Variants in RALYL observed in about 807,000 individuals in gnomAD.
The protein encoded by RALYL is RNA-binding Raly-like protein.
Under a neutral mutation model 35.1 loss-of-function variants are expected in RALYL, and 29 were observed. The observed-to-expected ratio is 0.83, with a 90% CI of 0.61 to 1.13. RALYL has a LOEUF of 1.13. Ranked by LOEUF, RALYL falls within the 50% of genes most tolerant of loss-of-function variation. RALYL has a pLI of 0.00. For missense variants in RALYL, 359 were observed against 360.4 expected, an observed-to-expected ratio of 1.00 and a Z score of 0.03; for synonymous variants, 120 against 127.6, an observed-to-expected ratio of 0.94 and a Z score of 0.40.
At chr8:84,892,605 T>A (rs1483054173) in intron 8 of RALYL, among the ~76,000 whole-genome samples, 2 of 146,990 alleles carry the variant, frequency 1.4e-5, no homozygotes, top group Non-Finnish European at 3.0e-5. Context: ...GCAAAAACTC[T>A]GTCTTAAAAA....
intron 2 of RALYL, among the ~76,000 whole-genome samples, chr8:84,773,393 A>T (rs1436392609): frequency 1.3e-5 from 2 of 152,190 alleles, no homozygotes; most frequent in Non-Finnish European, 2.9e-5. Context: ...TTCTGTCAAA[A>T]TAATATCCCT....
chr8:84,567,655 G>A (rs1301958040), intron 2 of RALYL, among the ~76,000 whole-genome samples: 2 of 150,724 alleles, frequency 1.3e-5, no homozygotes, highest in Admixed American at 1.3e-4. Flanking sequence ...ATAGTGCTGT[G>A]ATAAATATAC....
At chr8:84,608,890 A>G (rs1455690174) in intron 2 of RALYL, among the ~76,000 whole-genome samples, 1 of 152,158 alleles carries the variant, frequency 6.6e-6, no homozygotes, top group African/African-American at 2.4e-5. Flanking sequence ...GATGCTGCAT[A>G]AGACCAAACC....
chr8:84,689,444 A>G (rs953044240), intron 2 of RALYL, among the ~76,000 whole-genome samples: 1 of 152,192 alleles, frequency 6.6e-6, no homozygotes, highest in Non-Finnish European at 1.5e-5. Context: ...TCCATGGGGT[A>G]TATGTGCCAC....
At chr8:84,774,323 T>G (rs931580363) in intron 2 of RALYL, among the ~76,000 whole-genome samples, 1 of 152,190 alleles carries the variant, frequency 6.6e-6, no homozygotes, top group Non-Finnish European at 1.5e-5. Context: ...TTTTAATTAT[T>G]ATGTTTGTTT....
At chr8:84,681,098 T>G (rs1835377293) in intron 2 of RALYL, among the ~76,000 whole-genome samples, 1 of 152,216 alleles carries the variant, frequency 6.6e-6, no homozygotes, top group Non-Finnish European at 1.5e-5. Flanking sequence ...GACCATTTAT[T>G]AAATAGGGAA....
chr8:84,251,835 T>C (rs1830247878), intron 1 of RALYL, among the ~76,000 whole-genome samples: 1 of 152,044 alleles, frequency 6.6e-6, no homozygotes, highest in Non-Finnish European at 1.5e-5. Flanking sequence ...TATGTGGAAT[T>C]TATTTTCATT....
At chr8:84,514,684 C>G (rs184622481) in intron 1 of RALYL, among the ~76,000 whole-genome samples, 1 of 152,268 alleles carries the variant, frequency 6.6e-6, no homozygotes, top group Non-Finnish European at 1.5e-5. Flanking sequence ...GTCTAAATTC[C>G]AACATACAAA....
intron 1 of RALYL, among the ~76,000 whole-genome samples, chr8:84,380,626 G>A (rs1158597653): frequency 1.3e-5 from 2 of 151,928 alleles, no homozygotes; most frequent in Non-Finnish European, 2.9e-5. Flanking sequence ...CCACATGTCT[G>A]TTCCTGTTTG....
intron 2 of RALYL, among the ~76,000 whole-genome samples, chr8:84,671,842 T>C (rs919702094): frequency 6.6e-6 from 1 of 152,214 alleles, no homozygotes; most frequent in Non-Finnish European, 1.5e-5. Flanking sequence ...TTTTCCCCAT[T>C]GTCTTGGCAG....
intron 2 of RALYL, among the ~76,000 whole-genome samples, chr8:84,550,197 GTCTCTC>G (rs138037136): frequency 6.7e-6 from 1 of 148,976 alleles, no homozygotes; most frequent in Non-Finnish European, 1.5e-5. Context: ...GTTAATCTGG[GTCTCTC>G]TCTCTCTCTC....
chr8:84,320,692 T>A (rs1844635309), intron 1 of RALYL, among the ~76,000 whole-genome samples: 2 of 152,122 alleles, frequency 1.3e-5, no homozygotes, highest in Admixed American at 6.6e-5. Flanking sequence ...ATAAATGACC[T>A]TCTTCCTATT....
intron 1 of RALYL, among the ~76,000 whole-genome samples, chr8:84,372,894 T>TGTTTTGTTTTG (rs1563809065): frequency 2.4e-5 from 3 of 125,096 alleles, no homozygotes; most frequent in African/African-American, 6.2e-5. Flanking sequence ...CTGTTTTTTT[T>TGTTTTGTTTTG]TTTTTTTTTT....
At chr8:84,570,341 T>A (rs897522069) in intron 2 of RALYL, among the ~76,000 whole-genome samples, 2 of 151,750 alleles carry the variant, frequency 1.3e-5, no homozygotes, top group Non-Finnish European at 2.9e-5. Flanking sequence ...TTTTTCTAAC[T>A]ATTGTAAATG....
At chr8:84,645,602 T>C (rs1827317733) in intron 2 of RALYL, among the ~76,000 whole-genome samples, 1 of 152,100 alleles carries the variant, frequency 6.6e-6, no homozygotes, top group African/African-American at 2.4e-5. Flanking sequence ...ATTAAGACTT[T>C]GTAGTCTCAG....
intron 2 of RALYL, among the ~76,000 whole-genome samples, chr8:84,694,706 AT>A (rs1330336472): frequency 9.2e-5 from 14 of 151,882 alleles, no homozygotes; most frequent in Admixed American, 2.0e-4. Context: ...TTTAAAATAT[AT>A]TACAAAGCTA....
At chr8:84,301,081 A>G (rs1434162343) in intron 1 of RALYL, among the ~76,000 whole-genome samples, 2 of 152,040 alleles carry the variant, frequency 1.3e-5, no homozygotes, top group African/African-American at 4.8e-5. Flanking sequence ...GTCTGGTGGT[A>G]ACAAATTTCC....
At chr8:84,800,839 G>T (rs562256586) in intron 3 of RALYL, among the ~76,000 whole-genome samples, 23 of 151,936 alleles carry the variant, frequency 1.5e-4, no homozygotes, top group Admixed American at 4.6e-4. Context: ...CTACTAAAAT[G>T]ATCTATTCAT....
chr8:84,205,530 A>G (rs1817858888), intron 1 of RALYL, among the ~76,000 whole-genome samples: 1 of 152,276 alleles, frequency 6.6e-6, no homozygotes, highest in African/African-American at 2.4e-5. Flanking sequence ...CACTGTAGCT[A>G]TTTTACTCGG....
Sources: allele counts gnomAD v4.1 joint callset (sites outside exome capture counted in the v4.1 genomes callset), GRCh38; gene constraint gnomAD v4.1.1; transcripts MANE v1.5; gene names NCBI Gene and HGNC (gene_info 2026-07-23, HGNC 2026-07-21).